The following PRELID2 variants were observed in gnomAD, a reference collection of about 807,000 sequenced individuals.
PRELID2 encodes PRELI domain containing 2.
A neutral mutation model predicts 28.4 loss-of-function variants in PRELID2; 25 were observed. The ratio of observed to expected loss-of-function variants is 0.88; its 90% CI spans 0.64 to 1.23. The LOEUF (loss-of-function observed/expected upper bound fraction) is 1.23. PRELID2 is among the 50% of genes most tolerant of loss of function. PRELID2 has a pLI of 0.00. For missense variants in PRELID2, 201 were observed against 214.4 expected, an observed-to-expected ratio of 0.94 and a Z score of 0.39; for synonymous variants, 76 against 71.6, an observed-to-expected ratio of 1.06 and a Z score of -0.31.
rs144433846 is a variant in PRELID2, at chr5:145,529,009, G to A, written n.71-55694C>T. On this transcript the variant is annotated intron_variant and non_coding_transcript_variant, in intron 1 of 2. Transcript: ENST00000510259. ...GACATTTTACCCAACATCTCCCTCC[G>A]TTTTCCCTGCTAGGGCATATTAGCA... Among the ~76,000 whole-genome samples, 25 of 152,158 alleles carry A rather than the reference G, an allele frequency of 1.6e-4. No individual in the cohort carries two copies. In the East Asian group the frequency reaches 1.9e-3, roughly 12 times the overall value.
chr5:145,577,774 G>A (rs1190854786), intron 1 of PRELID2, among the ~76,000 whole-genome samples: 1 of 152,078 alleles, frequency 6.6e-6, no homozygotes, highest in Non-Finnish European at 1.5e-5. Flanking sequence ...TTAACAGTGG[G>A]TAACTATATG....
intron 1 of PRELID2, among the ~76,000 whole-genome samples, chr5:145,580,273 GA>G (rs1258997696): frequency 6.6e-6 from 1 of 152,056 alleles, no homozygotes; most frequent in African/African-American, 2.4e-5. Flanking sequence ...AATGTTGTCA[GA>G]AGGAGAGTTA....
the PRELID2 span, among the ~76,000 whole-genome samples, chr5:145,367,985 T>A: frequency 6.6e-6 from 1 of 151,978 alleles, no homozygotes; most frequent in Non-Finnish European, 1.5e-5. Context: ...GATACAATTA[T>A]GTTTGGTTTT....
intron 4 of PRELID2, among the ~76,000 whole-genome samples, chr5:145,808,077 T>C (rs1465732117): frequency 2.0e-5 from 3 of 152,134 alleles, no homozygotes; most frequent in Non-Finnish European, 4.4e-5. Context: ...TTCTGCTAAT[T>C]GTTTGATTAT....
At chr5:145,446,494 A>C in the PRELID2 span, among the ~76,000 whole-genome samples, 3 of 152,192 alleles carry the variant, frequency 2.0e-5, no homozygotes, top group Admixed American at 1.3e-4. Flanking sequence ...AGTAGTAGAA[A>C]CCTTAAGAAT....
At chr5:145,491,736 T>C (rs938167475) in intron 1 of PRELID2, among the ~76,000 whole-genome samples, 6 of 152,108 alleles carry the variant, frequency 3.9e-5, no homozygotes, top group African/African-American at 1.4e-4. Context: ...TAACCACTAT[T>C]CTATTTTCTA....
chr5:145,418,908 T>A, the PRELID2 span, among the ~76,000 whole-genome samples: 2 of 138,504 alleles, frequency 1.4e-5, no homozygotes, highest in Non-Finnish European at 3.0e-5. Flanking sequence ...GTCCCCAGAG[T>A]GTGATATTCC....
At chr5:145,440,465 T>C in the PRELID2 span, among the ~76,000 whole-genome samples, 2 of 152,136 alleles carry the variant, frequency 1.3e-5, no homozygotes, top group Non-Finnish European at 2.9e-5. Flanking sequence ...TTAGGAGCCA[T>C]ACCAGTTGTA....
chr5:145,356,666 C>A, the PRELID2 span, among the ~76,000 whole-genome samples: 2 of 152,124 alleles, frequency 1.3e-5, no homozygotes, highest in African/African-American at 4.8e-5. Context: ...GGTATCACTG[C>A]ACATGAGATG....
intron 1 of PRELID2, among the ~76,000 whole-genome samples, chr5:145,708,600 A>ATATTT (rs1755609110): frequency 1.3e-5 from 2 of 152,218 alleles, no homozygotes; most frequent in African/African-American, 4.8e-5. Context: ...ATTAAACAGA[A>ATATTT]AATTTTTTTC....
the PRELID2 span, among the ~76,000 whole-genome samples, chr5:145,268,976 A>G: frequency 6.6e-6 from 1 of 152,160 alleles, no homozygotes; most frequent in Non-Finnish European, 1.5e-5. Flanking sequence ...TAATTTAACA[A>G]AAGTGGGCAA....
chr5:145,248,250 G>T, the PRELID2 span, among the ~76,000 whole-genome samples: 1 of 151,944 alleles, frequency 6.6e-6, no homozygotes, highest in Non-Finnish European at 1.5e-5. Context: ...GGGGAAAGAG[G>T]CCCTTGGTAA....
chr5:145,295,240 T>A, the PRELID2 span, among the ~76,000 whole-genome samples: 1 of 152,154 alleles, frequency 6.6e-6, no homozygotes, highest in African/African-American at 2.4e-5. Flanking sequence ...ATTTCTAAGT[T>A]GCCTCTGATG....
chr5:145,408,953 T>C, the PRELID2 span, among the ~76,000 whole-genome samples: 1 of 152,040 alleles, frequency 6.6e-6, no homozygotes, highest in African/African-American at 2.4e-5. Flanking sequence ...GAAATAATCT[T>C]AAGAGCTGTG....
chr5:145,265,621 A>T, the PRELID2 span, among the ~76,000 whole-genome samples: 1 of 152,224 alleles, frequency 6.6e-6, no homozygotes, highest in Admixed American at 6.6e-5. Flanking sequence ...AAAAATAGGC[A>T]TATAGACCAA....
At chr5:145,591,834 T>C (rs1385413830) in intron 1 of PRELID2, among the ~76,000 whole-genome samples, 1 of 152,228 alleles carries the variant, frequency 6.6e-6, no homozygotes, top group African/African-American at 2.4e-5. Flanking sequence ...TCCCTGGATC[T>C]GATTTGATTC....
the PRELID2 span, among the ~76,000 whole-genome samples, chr5:145,376,551 A>G: frequency 2.0e-5 from 3 of 152,068 alleles, no homozygotes; most frequent in African/African-American, 7.2e-5. Context: ...TTTGTAGGCT[A>G]TTACTGACTC....
At chr5:145,372,597 G>A in the PRELID2 span, among the ~76,000 whole-genome samples, 2 of 151,822 alleles carry the variant, frequency 1.3e-5, no homozygotes, top group Admixed American at 6.6e-5. Context: ...TTACCATTGT[G>A]TAATGCCCTT....
the PRELID2 span, among the ~76,000 whole-genome samples, chr5:145,404,852 T>C: frequency 1.3e-5 from 2 of 152,090 alleles, no homozygotes; most frequent in Admixed American, 6.6e-5. Flanking sequence ...AAGAAAGATA[T>C]CTGCATGGTG....
Sources: gnomAD v4.1 joint callset for allele counts (sites outside exome capture counted in the v4.1 genomes callset) on GRCh38, gnomAD v4.1.1 for gene constraint, MANE v1.5 for transcripts, NCBI Gene and HGNC (gene_info 2026-07-23, HGNC 2026-07-21) for gene names.